The following CDK6 variants were observed in gnomAD, a reference collection of about 807,000 sequenced individuals.
CDK6 encodes cyclin dependent kinase 6, also known as cyclin-dependent kinase 6.
In CDK6, 6 loss-of-function variants were observed where a neutral mutation model predicts 37.1. The ratio of observed to expected loss-of-function variants is 0.16; its 90% CI spans 0.09 to 0.32. CDK6 has a LOEUF of 0.32. Among genes scored for constraint, CDK6 ranks in the 10% least tolerant of loss-of-function variants. The pLI is 1.00. For missense variants in CDK6, 224 were observed against 418.9 expected (o/e 0.53, Z 4.06); for synonymous variants, 160 against 161.3 (o/e 0.99, Z 0.06).
intron 2 of CDK6, among the ~76,000 whole-genome samples, chr7:92,801,384 C>G (rs1800569877): frequency 1.3e-5 from 2 of 152,126 alleles, no homozygotes; most frequent in Admixed American, 6.5e-5. Context: ...TCTTAAATAA[C>G]TGTACATACA....
rs770573745 is a variant in CDK6, at chr7:92,833,331, G to A, written c.-8C>T. ...CAGGCCGTCCTTCTCCATGCCGCCT[G>A]GACGCCGCCCGCCGCGGCGCCGCTG... On this transcript the variant is annotated 5_prime_UTR_variant, in exon 2 of 8. Coordinates refer to ENST00000424848, the MANE Select transcript of CDK6 (RefSeq NM_001145306.2). The surrounding 1 kb of genome is among the most constrained non-coding windows in gnomAD (Gnocchi z 6.1). The A allele has an allele frequency of 1.3e-6, 2 of 1,557,984 alleles. No individual in the cohort carries two copies. Among genetic ancestry groups the A allele is most frequent in the South Asian group, 1.2e-5 (1 of 85,884 alleles).
At chr7:92,671,177 A>T in intron 5 of CDK6, 1 of 311,206 alleles carries the variant, frequency 3.2e-6, no homozygotes, top group South Asian at 1.6e-4. Flanking sequence ...AAAACAATGT[A>T]ACTTATAAGA....
chr7:92,631,072 G>A (rs1413876198), intron 5 of CDK6, among the ~76,000 whole-genome samples: 1 of 152,124 alleles, frequency 6.6e-6, no homozygotes, highest in Non-Finnish European at 1.5e-5. Context: ...TCCCAGTCTT[G>A]CTTTATACTG....
At chr7:92,750,758 T>C (rs1332801773) in intron 3 of CDK6, among the ~76,000 whole-genome samples, 1 of 152,210 alleles carries the variant, frequency 6.6e-6, no homozygotes, top group Admixed American at 6.5e-5. Context: ...TGTCTTGTTA[T>C]AGTCACAGTG....
At chr7:92,770,479 C>A (rs1799685584) in intron 3 of CDK6, among the ~76,000 whole-genome samples, 1 of 152,046 alleles carries the variant, frequency 6.6e-6, no homozygotes, top group Non-Finnish European at 1.5e-5. Context: ...GAGCACCGTG[C>A]AATAATTAGA....
chr7:92,812,206 G>A (rs147229556), intron 2 of CDK6, among the ~76,000 whole-genome samples: 4 of 152,198 alleles, frequency 2.6e-5, no homozygotes, highest in Admixed American at 2.0e-4. Context: ...CACTTAATAT[G>A]TGTCCTAATT....
intron 2 of CDK6, among the ~76,000 whole-genome samples, chr7:92,822,667 T>G (rs993091929): frequency 6.6e-6 from 1 of 152,068 alleles, no homozygotes; most frequent in South Asian, 2.1e-4. Flanking sequence ...CATACAACTA[T>G]TCAACAGGTA....
rs1169464315 is a variant in CDK6, at chr7:92,608,538, C to A, written c.*6602G>T. The A allele has an allele frequency of 8.6e-6, 2 of 231,668 alleles. No homozygotes were observed. The highest frequency in any genetic ancestry group is 1.7e-5 in the Non-Finnish European group (2 of 117,122). 14.4% of individuals were successfully genotyped at this position (231,668 alleles called of 1,614,324 possible). A position where few individuals can be genotyped will look rare whatever the true frequency, so the allele number is the denominator to read the frequency against. On this transcript the variant is annotated 3_prime_UTR_variant, in exon 8 of 8. Coordinates refer to ENST00000424848, the MANE Select transcript of CDK6 (RefSeq NM_001145306.2). Reference sequence around the variant, plus strand: ...AAAAAAAATTCCTGCAATTATACATCTTTTCTTTAAAAAAACAAAAACAAA... The same window carrying A: ...AAAAAAAATTCCTGCAATTATACATATTTTCTTTAAAAAAACAAAAACAAA...
chr7:92,763,448 T>C (rs960708885), intron 3 of CDK6, among the ~76,000 whole-genome samples: 1 of 152,198 alleles, frequency 6.6e-6, no homozygotes, highest in Non-Finnish European at 1.5e-5. Flanking sequence ...CTTTCAAAGG[T>C]CAAATCATGA....
At chr7:92,646,716 A>G (rs113125920) in intron 5 of CDK6, among the ~76,000 whole-genome samples, 249 of 152,190 alleles carry the variant, frequency 1.6e-3, no homozygotes, top group African/African-American at 5.5e-3. Flanking sequence ...GTAGGTTTTC[A>G]AAGAATATTT....
chr7:92,821,148 T>C (rs1270766414), intron 2 of CDK6, among the ~76,000 whole-genome samples: 1 of 152,084 alleles, frequency 6.6e-6, no homozygotes, highest in East Asian at 1.9e-4. Context: ...AACATGTACA[T>C]TCAACTATTC....
chr7:92,708,808 G>A (rs1474084315), intron 4 of CDK6, among the ~76,000 whole-genome samples: 5 of 151,988 alleles, frequency 3.3e-5, no homozygotes, highest in African/African-American at 7.3e-5. Flanking sequence ...AATTTGTTCC[G>A]TTTTGAATGA....
intron 2 of CDK6, among the ~76,000 whole-genome samples, chr7:92,810,892 G>A (rs912360350): frequency 2.6e-5 from 4 of 152,042 alleles, no homozygotes; most frequent in African/African-American, 4.8e-5. Flanking sequence ...CCAACATGGC[G>A]AAACCCCATC....
intron 2 of CDK6, 103 bp from the exon 3 acceptor site, chr7:92,774,934 G>C: frequency 9.9e-7 from 1 of 1,015,200 alleles, no homozygotes; most frequent in East Asian, 2.7e-5. Flanking sequence ...AGAAAAAAAA[G>C]GCCAGTGTTG....
chr7:92,725,507 A>G (rs1798490339), intron 4 of CDK6, 119 bp downstream of exon 4: 2 of 1,175,988 alleles, frequency 1.7e-6, no homozygotes, highest in Non-Finnish European at 2.4e-6. Context: ...ATGGGCAAAG[A>G]CATTCTATCC....
intron 2 of CDK6, among the ~76,000 whole-genome samples, chr7:92,826,033 C>T (rs546050454): frequency 6.6e-4 from 101 of 152,084 alleles, no homozygotes; most frequent in Non-Finnish European, 1.1e-3. Flanking sequence ...TATGCAGATC[C>T]GTTCTCCCTC....
At chr7:92,651,515 C>G (rs78499056) in intron 5 of CDK6, among the ~76,000 whole-genome samples, 51 of 152,100 alleles carry the variant, frequency 3.4e-4, no homozygotes, top group Admixed American at 2.4e-3. Flanking sequence ...TTTCCAGAAG[C>G]CTTTAAGGTC....
rs533333108 is a variant in CDK6, at chr7:92,686,790, AT to A, written c.538-15256del. On this transcript the variant is annotated intron_variant, in intron 4 of 7. Coordinates refer to ENST00000424848, the MANE Select transcript of CDK6 (RefSeq NM_001145306.2). Reference sequence around the variant, plus strand: ...TTTCACCACACCTGTGCCAACATCCATTTTTTTTTTTATTATGGCCATTCTT... The same window carrying A: ...TTTCACCACACCTGTGCCAACATCCATTTTTTTTTTATTATGGCCATTCTT... 5.2e-4 allele frequency among the ~76,000 whole-genome samples: 76 copies of A among 145,688 alleles called. 1 individual carries two copies. Among genetic ancestry groups the A allele is most frequent in the African/African-American group, 1.0e-3 (40 of 39,910 alleles).
At chr7:92,805,296 T>G (rs142151449) in intron 2 of CDK6, among the ~76,000 whole-genome samples, 1 of 152,190 alleles carries the variant, frequency 6.6e-6, no homozygotes, top group Admixed American at 6.5e-5. Context: ...TGGGGGTTAG[T>G]TGGTAAAAGC....
Sources: allele counts gnomAD v4.1 joint callset (sites outside exome capture counted in the v4.1 genomes callset), GRCh38; gene constraint gnomAD v4.1.1; non-coding constraint Gnocchi (gnomAD v3.1); transcripts MANE v1.5; gene names NCBI Gene and HGNC (gene_info 2026-07-23, HGNC 2026-07-21).